The following GRIN3A variants were observed in gnomAD, a reference collection of about 807,000 sequenced individuals.
GRIN3A encodes the protein glutamate receptor ionotropic, NMDA 3A.
A neutral mutation model predicts 92.4 loss-of-function variants in GRIN3A; 47 were observed. The observed-to-expected ratio is 0.51, with a 90% confidence interval of 0.40 to 0.65. The LOEUF (loss-of-function observed/expected upper bound fraction) is 0.65. Ranked by LOEUF, GRIN3A falls within the 30% of genes least tolerant of loss-of-function variation. GRIN3A has a pLI of 0.00. For missense variants in GRIN3A, 1,324 were observed against 1,393.1 expected (o/e 0.95, Z 0.79); for synonymous variants, 527 against 540.6 (o/e 0.97, Z 0.35).
At position 101,573,254 on chromosome 9, in the gene GRIN3A, G is replaced by A. The variant is rs142270850; in HGVS notation, c.3268C>T (p.Arg1090Cys). ...CTCACAGCCAGCTGCAGCTCCTGAC[G>A]GATCACCTGAATCTGCTTCTCGAGC... is the stretch of plus-strand genomic sequence containing the variant. Reference protein sequence around the residue: ...SELEKQIQVIRQELQLAVSRK... With the variant: ...SELEKQIQVICQELQLAVSRK... Residue 1090 changes from arginine (R) to cysteine (C), a missense_variant, in exon 9 of 9, where the codon CGT (arginine) becomes TGT (cysteine). Physicochemically the swap from Arg to Cys is radical, Grantham distance 180 (BLOSUM62 -3). Transcript: ENST00000361820. 2.9e-5 allele frequency: 47 copies of A among 1,613,892 alleles called. No individual in the cohort carries two copies. Among genetic ancestry groups the A allele is most frequent in the East Asian group, 2.2e-4 (10 of 44,872 alleles).
At chr9:101,620,071 C>T (rs1424205583) in intron 5 of GRIN3A, among the ~76,000 whole-genome samples, 1 of 152,160 alleles carries the variant, frequency 6.6e-6, no homozygotes, top group African/African-American at 2.4e-5. Flanking sequence ...AAAATAAATG[C>T]AGAATGGTGA....
At chr9:101,724,187 C>T (rs992431530) in intron 1 of GRIN3A, among the ~76,000 whole-genome samples, 2 of 151,882 alleles carry the variant, frequency 1.3e-5, no homozygotes, top group Non-Finnish European at 2.9e-5. Context: ...CGAGGAGGCT[C>T]GGGCCGCACA....
At chr9:101,700,351 G>A (rs1483673923) in intron 1 of GRIN3A, among the ~76,000 whole-genome samples, 1 of 152,130 alleles carries the variant, frequency 6.6e-6, no homozygotes, top group African/African-American at 2.4e-5. Flanking sequence ...TTTCTACCTA[G>A]AGGCAAGAGT....
chr9:101,616,606 C>T (rs72745349), intron 5 of GRIN3A, among the ~76,000 whole-genome samples: 39,343 of 151,542 alleles, frequency 0.26, 5,377 homozygotes, highest in Non-Finnish European at 0.29. Flanking sequence ...GTTATACACA[C>T]ATCTCAAGCC....
intron 1 of GRIN3A, among the ~76,000 whole-genome samples, chr9:101,698,309 A>C (rs1829707179): frequency 6.6e-6 from 1 of 152,210 alleles, no homozygotes; most frequent in South Asian, 2.1e-4. Context: ...TTACATCAAA[A>C]GCTTTTAGAA....
intron 2 of GRIN3A, among the ~76,000 whole-genome samples, chr9:101,680,599 G>A (rs888380600): frequency 6.6e-6 from 1 of 152,118 alleles, no homozygotes; most frequent in Non-Finnish European, 1.5e-5. Context: ...TATAAAGGGT[G>A]TTATCCCAGT....
intron 8 of GRIN3A, 113 bp from the exon 9 acceptor site, chr9:101,573,626 G>A: frequency 1.2e-6 from 1 of 853,304 alleles, no homozygotes; most frequent in South Asian, 1.4e-5. Context: ...TGCATTTAGA[G>A]ATGAAGTAAC....
chr9:101,611,196 G>A (rs1029549284), intron 6 of GRIN3A, among the ~76,000 whole-genome samples: 6 of 152,080 alleles, frequency 3.9e-5, no homozygotes, highest in African/African-American at 1.4e-4. Context: ...TGTCAGCAGG[G>A]TTAGTTCCTC....
Position 101,670,127 on chromosome 9 carries a change from G to A in GRIN3A, c.2285C>T (p.Ala762Val), listed in dbSNP as rs1227476228. Residue 762 changes from alanine (A) to valine (V), a missense_variant, in exon 3 of 9, where the codon GCA becomes GTA. Coordinates refer to ENST00000361820, the MANE Select transcript of GRIN3A (RefSeq NM_133445.3). The stretch of plus-strand genomic sequence containing the variant: ...ACCTACCATGACAGCAGCCAAGTTT[G>A]CCGTGTATGTGGAAAGGCAAAACAT... ...FCMFCLSTYT[A>V]NLAAVMVGEK... is the part of the protein sequence containing the mutation. 1 of 1,613,750 alleles carries A rather than the reference G, an allele frequency of 6.2e-7. No homozygotes were observed. Among genetic ancestry groups the A allele is most frequent in the South Asian group, 1.1e-5 (1 of 91,054 alleles).
chr9:101,712,147 T>A (rs1829886531), intron 1 of GRIN3A, among the ~76,000 whole-genome samples: 1 of 152,194 alleles, frequency 6.6e-6, no homozygotes, highest in East Asian at 1.9e-4. Flanking sequence ...CATAAAGTTC[T>A]CCTATTATCC....
At chr9:101,654,276 C>T (rs1254926668) in intron 3 of GRIN3A, among the ~76,000 whole-genome samples, 1 of 116,608 alleles carries the variant, frequency 8.6e-6, no homozygotes, top group East Asian at 2.1e-4. Flanking sequence ...CTGGTACATA[C>T]ACATGCACAT....
rs1827789584 is a variant in GRIN3A, at chr9:101,573,608, G to T, written c.3009-95C>A. 4 of 966,320 alleles carry T rather than the reference G, an allele frequency of 4.1e-6. No homozygotes were observed. The East Asian group carries it at 7.5e-5, about 18-fold the overall frequency. 59.9% of individuals were successfully genotyped at this position (966,320 alleles called of 1,614,324 possible). A position where few individuals can be genotyped will look rare whatever the true frequency, so the allele number is the denominator to read the frequency against. On this transcript the variant is annotated intron_variant, in intron 8 of 8. Transcript: ENST00000361820. ...GCCATTTCCTGTGCAATAATATGGA[G>T]CTGGGTGTGCATTTAGAGATGAAGT...
At chr9:101,664,096 A>G (rs1829209369) in intron 3 of GRIN3A, among the ~76,000 whole-genome samples, 1 of 151,866 alleles carries the variant, frequency 6.6e-6, no homozygotes, top group Admixed American at 6.6e-5. Flanking sequence ...ACATATGCCA[A>G]TGGCTGAAAT....
At chr9:101,695,803 A>G (rs999346925) in intron 1 of GRIN3A, among the ~76,000 whole-genome samples, 2 of 152,164 alleles carry the variant, frequency 1.3e-5, no homozygotes, top group Admixed American at 1.3e-4. Context: ...GCCAGACCAT[A>G]ATGTGCTCAG....
intron 5 of GRIN3A, among the ~76,000 whole-genome samples, chr9:101,621,095 G>C (rs915092416): frequency 6.6e-6 from 1 of 151,910 alleles, no homozygotes; most frequent in African/African-American, 2.4e-5. Flanking sequence ...GACCAGCCTG[G>C]CCAACATGGT....
At chr9:101,690,232 A>T (rs1008762764) in intron 1 of GRIN3A, among the ~76,000 whole-genome samples, 1 of 152,182 alleles carries the variant, frequency 6.6e-6, no homozygotes, top group Non-Finnish European at 1.5e-5. Flanking sequence ...TAATGTAGCT[A>T]TATTATTTTT....
rs752974481 is a variant in GRIN3A at position 101,670,102 on chromosome 9, A to G, written c.2310T>C (p.Gly770=). Residue 770 remains glycine (G), a synonymous_variant, in exon 3 of 9, where the codon GGT becomes GGC. Transcript: ENST00000361820. ...CAGAAAGCTCTTCATAGATCTTCTC[A>G]CCTACCATGACAGCAGCCAAGTTTG... ...YTANLAAVMV[G]EKIYEELSGI... The G allele has an allele frequency of 6.2e-7, 1 of 1,613,826 alleles. No individual in the cohort carries two copies. The highest frequency in any genetic ancestry group is 8.5e-7 in the Non-Finnish European group (1 of 1,179,822).
rs988524779 is a variant in GRIN3A at position 101,644,265 on chromosome 9, C to T, written c.2353-15864G>A. ...ATTTTCAGATAAACTGGCTCATTTC[C>T]AGGTAGACTATTTCTTCTTAGAATT... On this transcript the variant is annotated intron_variant, in intron 3 of 8. Coordinates refer to ENST00000361820, the MANE Select transcript of GRIN3A (RefSeq NM_133445.3). Among the ~76,000 whole-genome samples the T allele has an allele frequency of 3.9e-4, 59 of 151,334 alleles. 1 individual carries two copies. Among genetic ancestry groups the T allele is most frequent in the African/African-American group, 1.3e-3 (52 of 41,342 alleles).
chr9:101,634,215 C>T (rs1828750479), intron 3 of GRIN3A, among the ~76,000 whole-genome samples: 3 of 151,320 alleles, frequency 2.0e-5, no homozygotes, highest in Admixed American at 2.0e-4. Flanking sequence ...TGCCTGTAGT[C>T]CCAGGTATTC....
Sources: gnomAD v4.1 joint callset for allele counts (sites outside exome capture counted in the v4.1 genomes callset) on GRCh38, gnomAD v4.1.1 for gene constraint, MANE v1.5 for transcripts, NCBI Gene and HGNC (gene_info 2026-07-23, HGNC 2026-07-21) for gene names.